Variants in ABCC1 observed in about 807,000 individuals in gnomAD.
The protein encoded by ABCC1 is multidrug resistance-associated protein 1.
Under a neutral mutation model 172.9 loss-of-function variants are expected in ABCC1, and 83 were observed. The observed-to-expected ratio is 0.48, with a 90% CI of 0.40 to 0.58. ABCC1 has a LOEUF of 0.58. ABCC1 is among the 20% of genes least tolerant of loss of function. The pLI, the probability that ABCC1 is intolerant of heterozygous loss-of-function variation, is 0.00. For synonymous variants in ABCC1, 937 were observed against 825.2 expected (o/e 1.14, Z -2.32); for missense variants, 1,817 against 2,002.7 (o/e 0.91, Z 1.77).
intron 28 of ABCC1, 111 bp downstream of exon 28, chr16:16,134,619 ATCG>A: frequency 1.3e-6 from 1 of 757,724 alleles, no homozygotes. Context: ...GCCCTACTTC[ATCG>A]TTCTTTTTTT....
At chr16:16,059,363 G>A (rs974058697) in intron 12 of ABCC1, among the ~76,000 whole-genome samples, 6 of 152,188 alleles carry the variant, frequency 3.9e-5, no homozygotes, top group Non-Finnish European at 7.3e-5. Flanking sequence ...GTCTCTTCCA[G>A]CGTAGTGCAA....
chr16:16,050,319 C>A (rs2049374869), intron 10 of ABCC1, among the ~76,000 whole-genome samples: 1 of 151,996 alleles, frequency 6.6e-6, no homozygotes, highest in South Asian at 2.1e-4. Flanking sequence ...ATTAGTCAGG[C>A]ATGGTGGTGT....
At chr16:16,026,802 A>C (rs1375897076) in intron 5 of ABCC1, among the ~76,000 whole-genome samples, 1 of 151,952 alleles carries the variant, frequency 6.6e-6, no homozygotes, top group Non-Finnish European at 1.5e-5. Context: ...CTATAATCCC[A>C]GCTACTCAGG....
At chr16:16,093,949 T>A (rs1188666743) in intron 19 of ABCC1, among the ~76,000 whole-genome samples, 1 of 150,604 alleles carries the variant, frequency 6.6e-6, no homozygotes. Flanking sequence ...CTAAGAAATA[T>A]ATCTTTTTTA....
chr16:15,989,043 G>A (rs1484253366), intron 1 of ABCC1, among the ~76,000 whole-genome samples: 1 of 131,402 alleles, frequency 7.6e-6, no homozygotes, highest in East Asian at 2.3e-4. Context: ...CACTCCAGCC[G>A]AGGAGACAGA....
At position 16,076,029 on chromosome 16, in the gene ABCC1, T is replaced by A. The variant is rs1206827789; in HGVS notation, c.1913-297T>A. 8.9e-6 allele frequency: 4 copies of A among 451,966 alleles called. No individual in the cohort carries two copies. In the East Asian group the frequency reaches 1.2e-4, roughly 14 times the overall value. 28.0% of individuals were successfully genotyped at this position (451,966 alleles called of 1,614,324 possible). On this transcript the variant is annotated intron_variant, in intron 14 of 30. Transcript: ENST00000399410. ...CATCGAGAGCATTGAGTAATTCTCA[T>A]GCGGCCCCCGCCTCTGCAGTCATCT... is the stretch of plus-strand genomic sequence containing the variant.
At chr16:16,085,143 C>T (rs929175328) in intron 17 of ABCC1, among the ~76,000 whole-genome samples, 3 of 152,186 alleles carry the variant, frequency 2.0e-5, no homozygotes, top group Admixed American at 2.0e-4. Context: ...ATTTTGTCAT[C>T]TCTAAAAGGG....
chr16:16,036,916 C>G (rs1399528922), intron 7 of ABCC1, among the ~76,000 whole-genome samples: 1 of 152,040 alleles, frequency 6.6e-6, no homozygotes, highest in Non-Finnish European at 1.5e-5. Flanking sequence ...CCAGCCTGGC[C>G]AACATGGTGA....
At chr16:16,031,140 C>A (rs975844851) in intron 5 of ABCC1, among the ~76,000 whole-genome samples, 2 of 152,202 alleles carry the variant, frequency 1.3e-5, no homozygotes, top group African/African-American at 4.8e-5. Context: ...TGAGCCACCA[C>A]ACCCAGCCAG....
At chr16:16,125,996 C>G (rs2045417465) in intron 26 of ABCC1, 85 bp downstream of exon 26, 3 of 966,432 alleles carry the variant, frequency 3.1e-6, no homozygotes, top group Admixed American at 4.9e-5. Flanking sequence ...CTGTGCACCT[C>G]TGCCTCTGAG....
At chr16:16,040,314 T>C (rs2048927394) in intron 7 of ABCC1, among the ~76,000 whole-genome samples, 1 of 150,826 alleles carries the variant, frequency 6.6e-6, no homozygotes, top group Admixed American at 6.7e-5. Flanking sequence ...TGAGATGGAA[T>C]TTTGCTCTTG....
At chr16:16,036,048 C>T (rs572118321) in intron 6 of ABCC1, among the ~76,000 whole-genome samples, 11 of 152,082 alleles carry the variant, frequency 7.2e-5, no homozygotes, top group Non-Finnish European at 1.0e-4. Context: ...CACTCTAGAC[C>T]GGGAGCTGGA....
intron 10 of ABCC1, among the ~76,000 whole-genome samples, chr16:16,049,585 C>T (rs760630009): frequency 6.6e-6 from 1 of 152,172 alleles, no homozygotes; most frequent in Non-Finnish European, 1.5e-5. Flanking sequence ...CATTGATTTA[C>T]CCTCCCTTCT....
intron 1 of ABCC1, among the ~76,000 whole-genome samples, chr16:15,982,221 C>G (rs897576431): frequency 6.6e-6 from 1 of 152,142 alleles, no homozygotes; most frequent in South Asian, 2.1e-4. Flanking sequence ...TTTTGGGTAT[C>G]TTTACAGTAG....
chr16:15,985,165 TC>T (rs1355531380), intron 1 of ABCC1, among the ~76,000 whole-genome samples: 4 of 152,176 alleles, frequency 2.6e-5, no homozygotes, highest in African/African-American at 9.6e-5. Flanking sequence ...ATTCCTATAT[TC>T]CATCATCCCC....
chr16:16,124,972 G>T, intron 25 of ABCC1, 57 bp downstream of exon 25: 1 of 1,609,298 alleles, frequency 6.2e-7, no homozygotes, highest in Non-Finnish European at 8.5e-7. Flanking sequence ...GGAGCCAGTT[G>T]TCCTTGGCTT....
chr16:16,108,265 C>A (rs1216061404), intron 21 of ABCC1, among the ~76,000 whole-genome samples: 1 of 76,002 alleles, frequency 1.3e-5, no homozygotes, highest in Admixed American at 1.5e-4. Flanking sequence ...CTTATCGTTT[C>A]TTTGTGTCTT....
chr16:16,016,651 C>CGTGT (rs749067342), intron 5 of ABCC1, 30 bp downstream of exon 5: 13 of 1,612,214 alleles, frequency 8.1e-6, no homozygotes, highest in Middle Eastern at 1.7e-4. Context: ...AGTGTGTGTG[C>CGTGT]GTGTGTGTGT....
intron 19 of ABCC1, among the ~76,000 whole-genome samples, chr16:16,092,431 GTC>G (rs1457938289): frequency 1.3e-5 from 2 of 152,052 alleles, no homozygotes; most frequent in African/African-American, 2.4e-5. Context: ...TAATCTTTCT[GTC>G]TCTCTAGATT....
Sources: gnomAD v4.1 joint callset for allele counts (sites outside exome capture counted in the v4.1 genomes callset) on GRCh38, gnomAD v4.1.1 for gene constraint, MANE v1.5 for transcripts, NCBI Gene and HGNC (gene_info 2026-07-23, HGNC 2026-07-21) for gene names.